Variants in MARK4 observed in about 807,000 individuals in gnomAD.
MARK4 encodes microtubule affinity regulating kinase 4.
MARK4 carries 19 observed loss-of-function variants against 81.5 expected under a neutral mutation model. The observed-to-expected ratio is 0.23, with a 90% confidence interval of 0.16 to 0.34. MARK4 has a LOEUF of 0.34. Among genes scored for constraint, MARK4 ranks in the 10% least tolerant of loss-of-function variants. The pLI is 1.00. For missense variants in MARK4, 772 were observed against 1,058.8 expected (o/e 0.73, Z 3.76); for synonymous variants, 436 against 439.0 (o/e 0.99, Z 0.08).
rs772689017 is a variant in MARK4, at chr19:45,264,865, G to T, written c.447G>T (p.Ser149=). 1.2e-5 allele frequency: 19 copies of T among 1,613,984 alleles called. No individual in the cohort carries two copies. In the Admixed American group the frequency reaches 1.3e-4, roughly 11 times the overall value. Reference sequence around the variant, plus strand: ...GAGAAGTGTTTGACTACCTCGTGTCGCATGGCCGCATGAAGGAGAAGGAAG... The same window carrying T: ...GAGAAGTGTTTGACTACCTCGTGTCTCATGGCCGCATGAAGGAGAAGGAAG... ...SAGEVFDYLV[S]HGRMKEKEAR... Residue 149 remains serine, a synonymous_variant, in exon 6 of 17, where the codon TCG becomes TCT. Coordinates refer to ENST00000262891, the MANE Select transcript of MARK4 (RefSeq NM_001199867.2).
intron 7 of MARK4, among the ~76,000 whole-genome samples, chr19:45,268,336 C>T (rs1246103623): frequency 2.0e-5 from 3 of 151,934 alleles, no homozygotes; most frequent in Non-Finnish European, 1.5e-5. Flanking sequence ...CCTGTCCCAG[C>T]ACTTTGGGAG....
At chr19:45,262,996 C>G (rs1389309661) in intron 2 of MARK4, 117 bp from the exon 3 acceptor site, 2 of 1,228,368 alleles carry the variant, frequency 1.6e-6, no homozygotes, top group Non-Finnish European at 2.3e-6. Flanking sequence ...AACTCCTGGC[C>G]TCAAGTGATC....
chr19:45,257,969 G>A (rs1970330970), intron 1 of MARK4, among the ~76,000 whole-genome samples: 1 of 147,482 alleles, frequency 6.8e-6, no homozygotes, highest in Admixed American at 6.8e-5. Flanking sequence ...AATTACAGGT[G>A]TGAGCCACCA....
intron 12 of MARK4, among the ~76,000 whole-genome samples, chr19:45,281,365 T>TC (rs1334665535): frequency 8.0e-6 from 1 of 124,638 alleles, no homozygotes; most frequent in East Asian, 2.1e-4. Context: ...TTTCTTTTCT[T>TC]TCTTTTTTTT....
At chr19:45,295,982 T>C (rs893487607) in intron 14 of MARK4, among the ~76,000 whole-genome samples, 1 of 152,192 alleles carries the variant, frequency 6.6e-6, no homozygotes, top group Admixed American at 6.6e-5. Context: ...TCTATGTCTA[T>C]TGCCTGGCTC....
At chr19:45,275,063 C>T (rs910660495) in intron 8 of MARK4, among the ~76,000 whole-genome samples, 14 of 152,304 alleles carry the variant, frequency 9.2e-5, no homozygotes, top group African/African-American at 3.1e-4. Flanking sequence ...GAGTTTGAGA[C>T]CAGCCTGGCC....
At chr19:45,267,048 A>G (rs62118522) in intron 7 of MARK4, among the ~76,000 whole-genome samples, 35,330 of 151,532 alleles carry the variant, frequency 0.23, 4,408 homozygotes, top group Non-Finnish European at 0.29. Context: ...CTGAGAACTT[A>G]AGAAGGCTTC....
Position 45,292,972 on chromosome 19 carries a change from G to T in MARK4, c.1495-1377G>T, listed in dbSNP as rs138966490. Among the ~76,000 whole-genome samples the T allele has an allele frequency of 4.1e-4, 62 of 151,442 alleles. No individual in the cohort carries two copies. In the East Asian group the frequency reaches 8.1e-3, roughly 20 times the overall value. On this transcript the variant is annotated intron_variant, in intron 13 of 16. Coordinates refer to ENST00000262891, the MANE Select transcript of MARK4 (RefSeq NM_001199867.2). ...AAACCTAAAGTTGGTTTTTTGAAAA[G>T]ATTAATAAAATCAGTCTGGGCGTGG... is the stretch of plus-strand genomic sequence containing the variant.
chr19:45,257,839 A>T (rs1970329199), intron 1 of MARK4, among the ~76,000 whole-genome samples: 1 of 147,468 alleles, frequency 6.8e-6, no homozygotes, highest in African/African-American at 2.5e-5. Context: ...ACAGGCGCAT[A>T]CTGCCACGCC....
At chr19:45,267,648 A>G (rs1439178265) in intron 7 of MARK4, among the ~76,000 whole-genome samples, 2 of 152,150 alleles carry the variant, frequency 1.3e-5, no homozygotes, top group Non-Finnish European at 2.9e-5. Flanking sequence ...TTCTGGAACT[A>G]TCTGTGAGGA....
At position 45,295,909 on chromosome 19, in the gene MARK4, T is replaced by A. The variant is rs1970881155; in HGVS notation, c.1598+1457T>A. On this transcript the variant is annotated intron_variant, in intron 14 of 16. Transcript: ENST00000262891. ...TTCATTCAGTGACTTGAGAGTGCTTTTTTTTGGTGGTTATCAAATAACAAT... is the reference window on the plus strand; with the variant it reads ...TTCATTCAGTGACTTGAGAGTGCTTATTTTTGGTGGTTATCAAATAACAAT... Among the ~76,000 whole-genome samples, 4 of 152,346 alleles carry A rather than the reference T, an allele frequency of 2.6e-5. No individual in the cohort carries two copies. In the South Asian group the frequency reaches 8.3e-4, roughly 32 times the overall value.
At position 45,294,439 on chromosome 19, in the gene MARK4, G is replaced by T. The variant is rs773561008; in HGVS notation, c.1585G>T (p.Gly529Trp). Reference sequence around the variant, plus strand: ...TGAGCGCCCGTCACTGTTGCCAAATGGGAAAGAAAACAGGTACGGAGGGGG... The same window carrying T: ...TGAGCGCCCGTCACTGTTGCCAAATTGGAAAGAAAACAGGTACGGAGGGGG... ...GAERPSLLPN[G>W]KENSSGTPRV... The change falls in exon 14 of 17, where the codon GGG becomes TGG. Residue 529 changes from glycine (G) to tryptophan (W), a missense_variant. Gly to Trp is a radical substitution (Grantham distance 184). Transcript: ENST00000262891. 2 of 1,613,932 alleles carry T rather than the reference G, an allele frequency of 1.2e-6. No individual in the cohort carries two copies. The highest frequency in any genetic ancestry group is 1.7e-6 in the Non-Finnish European group (2 of 1,180,000).
At chr19:45,252,369 T>G (rs1447982124) in intron 1 of MARK4, among the ~76,000 whole-genome samples, 1 of 152,028 alleles carries the variant, frequency 6.6e-6, no homozygotes, top group South Asian at 2.1e-4. Flanking sequence ...CAGGAAGCCT[T>G]GGCCTCCAAC....
Position 45,287,531 on chromosome 19 carries a change from G to C in MARK4, c.1361G>C (p.Gly454Ala), listed in dbSNP as rs761721413. ...EAELKEERLP[G>A]RKASCSTAGS... ...GAGCTGAAGGAGGAGCGGCTGCCAG[G>C]CCGGAAGGCGAGCTGCAGCACCGCG... Residue 454 changes from glycine to alanine, a missense_variant, in exon 13 of 17, where the codon GGC becomes GCC. By Grantham distance (60) the Gly-to-Ala change is moderately conservative. Transcript: ENST00000262891. 17 of 1,571,104 alleles carry C rather than the reference G, an allele frequency of 1.1e-5. No homozygotes were observed. The highest frequency in any genetic ancestry group is 1.5e-5 in the Non-Finnish European group (17 of 1,156,132).
chr19:45,277,052 T>A (rs995871889), intron 8 of MARK4, among the ~76,000 whole-genome samples: 8 of 151,866 alleles, frequency 5.3e-5, no homozygotes, highest in Non-Finnish European at 1.2e-4. Flanking sequence ...CTTACCTACC[T>A]CCCTCTTACC....
Position 45,251,538 on chromosome 19 carries a change from G to GGGCC in MARK4, c.-51_-50insGGCC. ...GGGAGGGGAAGAGAGGGGACCCTGG[G>GGGCC]ACCCCCGCCCCCCCCACCCGGCCGC... is the stretch of plus-strand genomic sequence containing the variant. On this transcript the variant is annotated 5_prime_UTR_variant, in exon 1 of 17. Coordinates refer to ENST00000262891, the MANE Select transcript of MARK4 (RefSeq NM_001199867.2). 4.0e-6 allele frequency: 2 copies of GGGCC among 502,610 alleles called. No homozygotes were observed. Among genetic ancestry groups the GGGCC allele is most frequent in the Non-Finnish European group, 3.4e-6 (1 of 293,560 alleles). 31.1% of individuals were successfully genotyped at this position (502,610 alleles called of 1,614,324 possible).
At chr19:45,290,749 A>G (rs1302809074) in intron 13 of MARK4, among the ~76,000 whole-genome samples, 6 of 152,222 alleles carry the variant, frequency 3.9e-5, no homozygotes, top group African/African-American at 7.2e-5. Flanking sequence ...GCAACTGGCA[A>G]TGACCGGCTG....
chr19:45,283,287 T>G (rs1377306421), intron 12 of MARK4, among the ~76,000 whole-genome samples: 1 of 151,506 alleles, frequency 6.6e-6, no homozygotes, highest in Non-Finnish European at 1.5e-5. Context: ...CAGGCGTCTG[T>G]AATCCCAGCT....
intron 14 of MARK4, among the ~76,000 whole-genome samples, chr19:45,297,472 G>A (rs1450743214): frequency 6.6e-6 from 1 of 152,184 alleles, no homozygotes; most frequent in Non-Finnish European, 1.5e-5. Context: ...GTTTGAAGGA[G>A]GGGTAATAGG....
Sources: gnomAD v4.1 joint callset for allele counts (sites outside exome capture counted in the v4.1 genomes callset) on GRCh38, gnomAD v4.1.1 for gene constraint, MANE v1.5 for transcripts, NCBI Gene and HGNC (gene_info 2026-07-23, HGNC 2026-07-21) for gene names.